Variants in TBC1D8 observed in about 807,000 individuals in gnomAD.
The protein encoded by TBC1D8 is TBC1 domain family member 8, also known as BUB2-like protein 1.
Under a neutral mutation model 118.8 loss-of-function variants are expected in TBC1D8, and 65 were observed. That is an observed-to-expected ratio of 0.55 (90% CI 0.45 to 0.67). The LOEUF (loss-of-function observed/expected upper bound fraction) is 0.67, where lower values mean the gene tolerates loss of function less well. Among genes scored for constraint, TBC1D8 ranks in the 30% least tolerant of loss-of-function variants. The pLI is 0.00. For missense variants in TBC1D8, 1,376 were observed against 1,471.2 expected, an observed-to-expected ratio of 0.94 and a Z score of 1.06; for synonymous variants, 566 against 595.8, an observed-to-expected ratio of 0.95 and a Z score of 0.73.
intron 2 of TBC1D8, among the ~76,000 whole-genome samples, chr2:101,084,593 G>A (rs895505916): frequency 6.6e-6 from 1 of 152,082 alleles, no homozygotes; most frequent in Non-Finnish European, 1.5e-5. Flanking sequence ...CCGTTCCTCA[G>A]GATGTGCTCT....
chr2:101,091,141 T>C (rs1201007837), intron 1 of TBC1D8, among the ~76,000 whole-genome samples: 1 of 151,950 alleles, frequency 6.6e-6, no homozygotes, highest in African/African-American at 2.4e-5. Flanking sequence ...AAAAATTAGC[T>C]GGGCGTGGTG....
chr2:101,094,904 TAG>T (rs1436272789), intron 1 of TBC1D8, among the ~76,000 whole-genome samples: 2 of 152,116 alleles, frequency 1.3e-5, no homozygotes, highest in East Asian at 3.9e-4. Context: ...CCTCGAAATG[TAG>T]AGAGAGATGG....
At chr2:101,134,197 T>TCTCA (rs1491215495) in intron 1 of TBC1D8, among the ~76,000 whole-genome samples, 1 of 73,504 alleles carries the variant, frequency 1.4e-5, no homozygotes, top group African/African-American at 5.4e-5. Context: ...TCTCTCTCTC[T>TCTCA]CACACACACA....
At chr2:101,114,363 C>T (rs1677731065) in intron 1 of TBC1D8, among the ~76,000 whole-genome samples, 1 of 152,092 alleles carries the variant, frequency 6.6e-6, no homozygotes, top group Admixed American at 6.5e-5. Context: ...TATCGGTTCG[C>T]AACACCTGGC....
intron 1 of TBC1D8, among the ~76,000 whole-genome samples, chr2:101,118,878 C>T (rs1677973510): frequency 6.6e-6 from 1 of 151,896 alleles, no homozygotes; most frequent in Non-Finnish European, 1.5e-5. Context: ...GGTGTGGTGG[C>T]ACACAGCCTA....
At chr2:101,057,174 T>G (rs1418836758) in intron 3 of TBC1D8, among the ~76,000 whole-genome samples, 1 of 152,186 alleles carries the variant, frequency 6.6e-6, no homozygotes, top group East Asian at 1.9e-4. Context: ...CCCCTGGCAT[T>G]TGCCTAAAAA....
chr2:101,010,168 T>C (rs1679098144), intron 19 of TBC1D8, among the ~76,000 whole-genome samples: 1 of 152,126 alleles, frequency 6.6e-6, no homozygotes. Context: ...GGAGGAACCA[T>C]TTTCAAAATG....
intron 5 of TBC1D8, among the ~76,000 whole-genome samples, chr2:101,046,681 TG>T (rs1280375448): frequency 2.9e-5 from 4 of 137,546 alleles, no homozygotes; most frequent in East Asian, 2.1e-4. Context: ...AAAGGGAGAG[TG>T]GGGGGAGGGG....
At position 101,059,493 on chromosome 2, in the gene TBC1D8, T is replaced by G; in HGVS notation, c.330A>C (p.Gln110His). ...AGACAGACAAGGTGTGGAGGAGATT[T>G]TGTTCCAGCCAGTCCCAGTGCTGAT... ...EINQHWDWLE[Q>H]NLLHTLSVFD... The change falls in exon 3 of 20, where the codon CAA (glutamine) becomes CAC (histidine). Residue 110 changes from glutamine to histidine, a missense_variant. Physicochemically the swap from Gln to His is conservative, Grantham distance 24. Transcript: ENST00000409318. 1 of 1,613,984 alleles carries G rather than the reference T, an allele frequency of 6.2e-7. No homozygotes were observed. Among genetic ancestry groups the G allele is most frequent in the Non-Finnish European group, 8.5e-7 (1 of 1,179,874 alleles).
At chr2:101,102,815 G>C (rs1676942137) in intron 1 of TBC1D8, among the ~76,000 whole-genome samples, 1 of 151,936 alleles carries the variant, frequency 6.6e-6, no homozygotes, top group African/African-American at 2.4e-5. Flanking sequence ...GGCCAAGGTG[G>C]GAAGACTGCT....
At chr2:101,111,389 A>G (rs1276931795) in intron 1 of TBC1D8, among the ~76,000 whole-genome samples, 1 of 152,214 alleles carries the variant, frequency 6.6e-6, no homozygotes, top group Non-Finnish European at 1.5e-5. Flanking sequence ...CTAAGCAGAC[A>G]ACATGCGCGG....
At chr2:101,109,437 C>T (rs369029138) in intron 1 of TBC1D8, among the ~76,000 whole-genome samples, 3 of 152,124 alleles carry the variant, frequency 2.0e-5, no homozygotes, top group African/African-American at 4.8e-5. Flanking sequence ...AAATTTCAAA[C>T]GGGTCAAAGA....
intron 1 of TBC1D8, among the ~76,000 whole-genome samples, chr2:101,142,508 C>A (rs1679149903): frequency 6.6e-6 from 1 of 152,002 alleles, no homozygotes; most frequent in Admixed American, 6.6e-5. Flanking sequence ...CAACTACAAC[C>A]CAAATATCCA....
At chr2:101,039,890 A>G (rs570961688) in intron 6 of TBC1D8, among the ~76,000 whole-genome samples, 1 of 152,090 alleles carries the variant, frequency 6.6e-6, no homozygotes, top group Admixed American at 6.6e-5. Flanking sequence ...GTACTTTTTA[A>G]TAACAGCTTT....
intron 14 of TBC1D8, among the ~76,000 whole-genome samples, chr2:101,027,667 G>A (rs1437958189): frequency 6.6e-6 from 1 of 152,318 alleles, no homozygotes; most frequent in Admixed American, 6.5e-5. Flanking sequence ...CAGTGCCTAA[G>A]GACAAACCTA....
In TBC1D8 at chr2:101,007,531, G is replaced by A; in HGVS notation, c.*290C>T. The A allele has an allele frequency of 2.6e-6, 1 of 382,362 alleles. No homozygotes were observed. Among genetic ancestry groups the A allele is most frequent in the Non-Finnish European group, 4.8e-6 (1 of 210,148 alleles). The allele number at this position is 382,362 out of a possible 1,614,324, so 23.7% of individuals were successfully genotyped here. A position where few individuals can be genotyped will look rare whatever the true frequency, so the allele number is the denominator to read the frequency against. On this transcript the variant is annotated 3_prime_UTR_variant, in exon 20 of 20. Coordinates refer to ENST00000409318, the MANE Select transcript of TBC1D8 (RefSeq NM_001330348.2). Reference sequence around the variant, plus strand: ...TATGAGACATTGTGTTCATCTGAGAGCAAAATCAACACTAGCATCACAGCA... The same window carrying A: ...TATGAGACATTGTGTTCATCTGAGAACAAAATCAACACTAGCATCACAGCA...
chr2:101,016,054 A>G (rs1385240514), intron 17 of TBC1D8, among the ~76,000 whole-genome samples: 10 of 151,972 alleles, frequency 6.6e-5, no homozygotes, highest in Admixed American at 1.3e-4. Flanking sequence ...AATGGCAACA[A>G]AAGCCAAAAT....
At chr2:101,072,080 T>C (rs1368513276) in intron 2 of TBC1D8, among the ~76,000 whole-genome samples, 2 of 152,254 alleles carry the variant, frequency 1.3e-5, no homozygotes, top group East Asian at 3.8e-4. Flanking sequence ...ATCAAGCTCT[T>C]GGGCAACCAG....
chr2:101,121,250 C>A (rs1678088072), intron 1 of TBC1D8, among the ~76,000 whole-genome samples: 2 of 152,198 alleles, frequency 1.3e-5, no homozygotes, highest in Admixed American at 1.3e-4. Context: ...TTGTTATCAG[C>A]TGTGCCTGTT....
Sources: allele counts gnomAD v4.1 joint callset (sites outside exome capture counted in the v4.1 genomes callset), GRCh38; gene constraint gnomAD v4.1.1; transcripts MANE v1.5; gene names NCBI Gene and HGNC (gene_info 2026-07-23, HGNC 2026-07-21).